CERS6: variants seen among roughly 807,000 people sequenced by gnomAD.
The protein encoded by CERS6 is LAG1 homolog, ceramide synthase 6.
In CERS6, 26 loss-of-function variants were observed where a neutral mutation model predicts 56.8. The observed-to-expected ratio is 0.46, with a 90% CI of 0.34 to 0.63. CERS6 has a LOEUF of 0.63. CERS6 is among the 30% of genes least tolerant of loss of function. The pLI is 0.01. For synonymous variants in CERS6, 164 were observed against 173.3 expected (o/e 0.95, Z 0.42); for missense variants, 415 against 467.5 (o/e 0.89, Z 1.04).
At chr2:168,671,776 C>T (rs188406214) in intron 4 of CERS6, among the ~76,000 whole-genome samples, 1 of 152,278 alleles carries the variant, frequency 6.6e-6, no homozygotes. Context: ...TAAATTGATA[C>T]ATTTTCACCC....
At chr2:168,484,758 A>AT in intron 1 of CERS6, among the ~76,000 whole-genome samples, 1 of 152,086 alleles carries the variant, frequency 6.6e-6, no homozygotes, top group South Asian at 2.1e-4. Flanking sequence ...AATTTTTCTC[A>AT]TTAGAGGCAT....
chr2:168,478,360 C>T (rs1440055123), intron 1 of CERS6, among the ~76,000 whole-genome samples: 3 of 152,164 alleles, frequency 2.0e-5, no homozygotes, highest in African/African-American at 7.2e-5. Context: ...AGAGCAGTCA[C>T]CTGGTTTCGG....
At chr2:168,712,017 A>AGGTGGATAGGTAAGTGAGGGT (rs1687103956) in intron 6 of CERS6, among the ~76,000 whole-genome samples, 2 of 152,156 alleles carry the variant, frequency 1.3e-5, no homozygotes, top group South Asian at 4.1e-4. Context: ...AGTTGTGGAA[A>AGGTGGATAGGTAAGTGAGGGT]GGTGGATAGG....
chr2:168,504,515 G>C (rs549765380), intron 1 of CERS6, among the ~76,000 whole-genome samples: 1 of 152,196 alleles, frequency 6.6e-6, no homozygotes. Context: ...CAGGTGAACT[G>C]TTTGCCTTTC....
At chr2:168,682,684 G>T (rs1366252082) in intron 4 of CERS6, among the ~76,000 whole-genome samples, 1 of 152,130 alleles carries the variant, frequency 6.6e-6, no homozygotes, top group Admixed American at 6.5e-5. Context: ...TCTCACAATG[G>T]GGGGTGGGAG....
intron 8 of CERS6, among the ~76,000 whole-genome samples, chr2:168,763,068 G>A (rs1008539933): frequency 6.6e-6 from 1 of 151,984 alleles, no homozygotes; most frequent in African/African-American, 2.4e-5. Flanking sequence ...TGGAGATAGG[G>A]TCTCACTCTG....
At chr2:168,703,961 A>G (rs1486937936) in intron 6 of CERS6, among the ~76,000 whole-genome samples, 2 of 152,198 alleles carry the variant, frequency 1.3e-5, no homozygotes, top group Non-Finnish European at 2.9e-5. Context: ...TTTGTGATCA[A>G]AGCATTGCAA....
At chr2:168,672,218 C>T (rs1461226837) in intron 4 of CERS6, among the ~76,000 whole-genome samples, 1 of 152,184 alleles carries the variant, frequency 6.6e-6, no homozygotes, top group Non-Finnish European at 1.5e-5. Flanking sequence ...GCTGATGGCT[C>T]CAGCTCGTTT....
chr2:168,502,812 A>G (rs566961467), intron 1 of CERS6, among the ~76,000 whole-genome samples: 94 of 152,354 alleles, frequency 6.2e-4, no homozygotes, highest in Non-Finnish European at 1.0e-3. Context: ...GGTCTTTATC[A>G]GAGAGACCAC....
At chr2:168,734,019 A>G (rs1683634126) in intron 8 of CERS6, among the ~76,000 whole-genome samples, 1 of 152,176 alleles carries the variant, frequency 6.6e-6, no homozygotes, top group South Asian at 2.1e-4. Flanking sequence ...TTCTTCATCC[A>G]TAAAATGGGA....
chr2:168,657,943 C>T (rs568884459), intron 4 of CERS6, among the ~76,000 whole-genome samples: 47 of 152,324 alleles, frequency 3.1e-4, no homozygotes, highest in African/African-American at 9.4e-4. Context: ...GGAGCCCAGG[C>T]AGGGGAGGTG....
Position 168,547,647 on chromosome 2 carries a change from A to T in CERS6, c.222A>T (p.Pro74=). Residue 74 remains proline (P), a synonymous_variant, in exon 2 of 10, where the codon CCA becomes CCT. Transcript: ENST00000305747. ...AIALNIQANG[P]QIAPPNAILE... is the part of the protein sequence containing the mutation. Reference sequence around the variant, plus strand: ...CCCTCAACATTCAGGCCAATGGACCACAAATTGCTCCGCCCAATGCCATTC... The same window carrying T: ...CCCTCAACATTCAGGCCAATGGACCTCAAATTGCTCCGCCCAATGCCATTC... 2 of 1,614,116 alleles carry T rather than the reference A, an allele frequency of 1.2e-6. No individual in the cohort carries two copies. Among genetic ancestry groups the T allele is most frequent in the Non-Finnish European group, 1.7e-6 (2 of 1,179,926 alleles).
chr2:168,769,612 A>G lies in CERS6; in HGVS notation c.1105A>G (p.Ser369Gly). 1 of 1,612,794 alleles carries G rather than the reference A, an allele frequency of 6.2e-7. No individual in the cohort carries two copies. The highest frequency in any genetic ancestry group is 8.5e-7 in the Non-Finnish European group (1 of 1,179,634). Residue 369 changes from serine to glycine, a missense_variant, in exon 10 of 10, where the codon AGT (serine) becomes GGT (glycine). Physicochemically the swap from Ser to Gly is moderately conservative, Grantham distance 56. Coordinates refer to ENST00000305747, the MANE Select transcript of CERS6 (RefSeq NM_203463.3). ...CACTGCGACAACCACCAATGGGACC[A>G]GTGGTACCAACGGGTATCTCCTGAC... Reference protein sequence around the residue: ...PHTATTTNGTSGTNGYLLTGS... With the variant: ...PHTATTTNGTGGTNGYLLTGS...
chr2:168,697,040 A>G (rs956977039), intron 6 of CERS6, among the ~76,000 whole-genome samples: 1 of 152,176 alleles, frequency 6.6e-6, no homozygotes, highest in Non-Finnish European at 1.5e-5. Context: ...ACTGGTATCC[A>G]AGTGGCAGCT....
At chr2:168,542,123 G>T (rs368256781) in intron 1 of CERS6, among the ~76,000 whole-genome samples, 13 of 152,084 alleles carry the variant, frequency 8.5e-5, no homozygotes, top group African/African-American at 3.1e-4. Flanking sequence ...GTGTTTGTTT[G>T]TTTTTGTTTG....
chr2:168,498,977 C>T (rs2105343709), intron 1 of CERS6, among the ~76,000 whole-genome samples: 1 of 152,234 alleles, frequency 6.6e-6, no homozygotes. Flanking sequence ...TCCCCTTGGC[C>T]AAGAGGAGGT....
At chr2:168,617,752 CA>C (rs950424008) in intron 3 of CERS6, among the ~76,000 whole-genome samples, 4 of 151,416 alleles carry the variant, frequency 2.6e-5, no homozygotes, top group African/African-American at 9.7e-5. Context: ...AGCTTAGCAA[CA>C]AAAAAAAGTC....
At chr2:168,746,775 G>GTATATATA (rs71003053) in intron 8 of CERS6, among the ~76,000 whole-genome samples, 417 of 38,908 alleles carry the variant, frequency 0.011, 15 homozygotes, top group Non-Finnish European at 0.013. Flanking sequence ...AGGGTAAAGG[G>GTATATATA]TATATATATA....
intron 4 of CERS6, among the ~76,000 whole-genome samples, chr2:168,682,948 G>A (rs938202567): frequency 6.6e-6 from 1 of 152,028 alleles, no homozygotes; most frequent in Non-Finnish European, 1.5e-5. Context: ...TGAACAATCC[G>A]ATTTATCTTA....
Sources: allele counts gnomAD v4.1 joint callset (sites outside exome capture counted in the v4.1 genomes callset), GRCh38; gene constraint gnomAD v4.1.1; transcripts MANE v1.5; gene names NCBI Gene and HGNC (gene_info 2026-07-23, HGNC 2026-07-21).